SNX29: variants seen among roughly 807,000 people sequenced by gnomAD.
SNX29 encodes the protein sorting nexin 29.
In SNX29, 78 loss-of-function variants were observed where a neutral mutation model predicts 102.1. The observed-to-expected ratio is 0.76, with a 90% CI of 0.64 to 0.92. The LOEUF is 0.92. Among genes scored for constraint, SNX29 ranks in the 40% least tolerant of loss-of-function variants. SNX29 has a pLI of 0.00. For missense variants in SNX29, 1,280 were observed against 1,061.7 expected (o/e 1.21, Z -2.86); for synonymous variants, 580 against 414.5 (o/e 1.40, Z -4.85).
chr16:12,451,821 G>A (rs1316544781), intron 18 of SNX29, among the ~76,000 whole-genome samples: 3 of 152,184 alleles, frequency 2.0e-5, no homozygotes, highest in South Asian at 2.1e-4. Context: ...CCCAGATCGC[G>A]CCACTGCATT....
At chr16:12,116,834 G>C (rs190280401) in intron 11 of SNX29, among the ~76,000 whole-genome samples, 164 of 150,702 alleles carry the variant, frequency 1.1e-3, no homozygotes, top group African/African-American at 3.9e-3. Flanking sequence ...TAGTCAATAC[G>C]TGCTTCAACG....
At position 12,358,397 on chromosome 16, in the gene SNX29, C is replaced by A. The variant is rs149323759; in HGVS notation, c.1899+2118C>A. 3.1e-3 allele frequency among the ~76,000 whole-genome samples: 466 copies of A among 152,230 alleles called. 3 individuals carry two copies. The highest frequency in any genetic ancestry group is 0.011 in the African/African-American group (448 of 41,532). On this transcript the variant is annotated intron_variant, in intron 16 of 20. Coordinates refer to ENST00000566228, the MANE Select transcript of SNX29 (RefSeq NM_032167.5). The stretch of plus-strand genomic sequence containing the variant: ...CCAGCCTGGTCAAAATGGTGAAACC[C>A]CGTCTCTACTAAAAATACAAAAATT...
intron 18 of SNX29, among the ~76,000 whole-genome samples, chr16:12,472,401 C>A (rs189453135): frequency 2.6e-5 from 4 of 152,118 alleles, no homozygotes; most frequent in East Asian, 1.9e-4. Flanking sequence ...CACCTGTAAT[C>A]CCAGCTACTC....
intron 15 of SNX29, among the ~76,000 whole-genome samples, chr16:12,282,526 A>G (rs1008890024): frequency 3.9e-5 from 6 of 152,196 alleles, no homozygotes; most frequent in African/African-American, 1.2e-4. Context: ...TAGGAGAAAC[A>G]TAACATTGAA....
At chr16:12,562,865 G>C (rs1045902061) in intron 20 of SNX29, among the ~76,000 whole-genome samples, 2 of 152,106 alleles carry the variant, frequency 1.3e-5, no homozygotes, top group Admixed American at 1.3e-4. Context: ...CTCCCGGTCT[G>C]TGCTTTGTCA....
In SNX29 at chr16:12,569,975, T is replaced by G. The variant is rs1390492935; in HGVS notation, c.*1346T>G. Reference sequence around the variant, plus strand: ...GGTTAGATGGTAAGCCATGGGCTTGTCCTGGAACTGCTTCAACTCAGTGGC... The same window carrying G: ...GGTTAGATGGTAAGCCATGGGCTTGGCCTGGAACTGCTTCAACTCAGTGGC... On this transcript the variant is annotated 3_prime_UTR_variant, in exon 21 of 21. Transcript: ENST00000566228. The G allele has an allele frequency of 4.1e-6, 1 of 241,976 alleles. No homozygotes were observed. The highest frequency in any genetic ancestry group is 7.9e-6 in the Non-Finnish European group (1 of 126,418). The allele number at this position is 241,976 out of a possible 1,614,324, so 15.0% of individuals were successfully genotyped here.
chr16:12,067,745 C>T (rs1301351112), intron 9 of SNX29, among the ~76,000 whole-genome samples: 1 of 152,216 alleles, frequency 6.6e-6, no homozygotes, highest in African/African-American at 2.4e-5. Context: ...GCCTTGGCTT[C>T]CCAAAGTGGT....
chr16:12,221,449 T>C (rs376266605), intron 14 of SNX29, among the ~76,000 whole-genome samples: 1 of 152,146 alleles, frequency 6.6e-6, no homozygotes, highest in Non-Finnish European at 1.5e-5. Context: ...ACCCCATCTC[T>C]ACTAAAAATA....
intron 3 of SNX29, among the ~76,000 whole-genome samples, chr16:12,020,410 C>T (rs879418622): frequency 6.6e-6 from 1 of 151,820 alleles, no homozygotes; most frequent in Non-Finnish European, 1.5e-5. Flanking sequence ...CTTTGTTGCC[C>T]AGGCTGGTTT....
chr16:12,344,028 T>A (rs2081697219), intron 15 of SNX29, among the ~76,000 whole-genome samples: 1 of 152,222 alleles, frequency 6.6e-6, no homozygotes, highest in Admixed American at 6.5e-5. Flanking sequence ...CTTGTGGTAG[T>A]GAGTCTCATG....
At chr16:12,487,313 C>T (rs1018171181) in intron 19 of SNX29, among the ~76,000 whole-genome samples, 61 of 152,264 alleles carry the variant, frequency 4.0e-4, no homozygotes, top group African/African-American at 1.3e-3. Flanking sequence ...TGGATGGTCC[C>T]GCCGAAAACC....
chr16:12,121,729 G>A (rs932130266), intron 11 of SNX29, among the ~76,000 whole-genome samples: 4 of 152,232 alleles, frequency 2.6e-5, no homozygotes, highest in Non-Finnish European at 5.9e-5. Context: ...CATGGCGACA[G>A]AGGAGCCTCC....
At position 12,159,523 on chromosome 16, in the gene SNX29, T is replaced by C. The variant is rs577457482; in HGVS notation, c.1595+29765T>C. On this transcript the variant is annotated intron_variant, in intron 13 of 20. Coordinates refer to ENST00000566228, the MANE Select transcript of SNX29 (RefSeq NM_032167.5). The stretch of plus-strand genomic sequence containing the variant: ...GACTGTAGGTTCCATGGACCACATC[T>C]GCATAGAGACATGGCTGTGTATTTC... Among the ~76,000 whole-genome samples the C allele has an allele frequency of 1.6e-4, 25 of 152,292 alleles. No individual in the cohort carries two copies. In the South Asian group the frequency reaches 3.5e-3, roughly 21 times the overall value.
chr16:12,254,878 TTGA>T (rs1193899487), intron 14 of SNX29, among the ~76,000 whole-genome samples: 2 of 152,038 alleles, frequency 1.3e-5, no homozygotes, highest in African/African-American at 4.8e-5. Flanking sequence ...TTGCAGAGCA[TTGA>T]TGAGAGAGTA....
intron 15 of SNX29, among the ~76,000 whole-genome samples, chr16:12,299,772 A>C (rs1419880708): frequency 2.2e-5 from 3 of 136,600 alleles, no homozygotes; most frequent in Non-Finnish European, 4.5e-5. Flanking sequence ...TCTAATTCAA[A>C]TTTCGAATTT....
intron 14 of SNX29, among the ~76,000 whole-genome samples, chr16:12,238,987 C>T (rs1349629643): frequency 6.6e-6 from 1 of 152,206 alleles, no homozygotes; most frequent in Non-Finnish European, 1.5e-5. Context: ...AAAGGACTCT[C>T]CCCCGCTAAC....
At chr16:12,515,822 C>T (rs1370241844) in intron 19 of SNX29, among the ~76,000 whole-genome samples, 2 of 152,082 alleles carry the variant, frequency 1.3e-5, no homozygotes, top group Non-Finnish European at 2.9e-5. Context: ...GTGAACCATG[C>T]AGGAGCCAGC....
At chr16:12,068,944 T>C in intron 9 of SNX29, 113 bp from the exon 10 acceptor site, 1 of 967,640 alleles carries the variant, frequency 1.0e-6, no homozygotes. Flanking sequence ...TGGAGAAAAA[T>C]TTCTTAGTCA....
intron 16 of SNX29, among the ~76,000 whole-genome samples, chr16:12,395,841 C>G (rs2083701156): frequency 6.6e-6 from 1 of 152,224 alleles, no homozygotes; most frequent in Admixed American, 6.5e-5. Flanking sequence ...GCTGTCAAGT[C>G]TAGCTAATAT....
Sources: allele counts gnomAD v4.1 joint callset (sites outside exome capture counted in the v4.1 genomes callset), GRCh38; gene constraint gnomAD v4.1.1; transcripts MANE v1.5; gene names NCBI Gene and HGNC (gene_info 2026-07-23, HGNC 2026-07-21).